Variants in TENM3 observed in about 807,000 individuals in gnomAD.
The protein encoded by TENM3 is teneurin-3.
A neutral mutation model predicts 255.1 loss-of-function variants in TENM3; 63 were observed. The observed-to-expected ratio is 0.25, with a 90% CI of 0.20 to 0.30. TENM3 has a LOEUF of 0.30. TENM3 is among the 10% of genes least tolerant of loss of function. The probability of loss-of-function intolerance (pLI) is 1.00; values close to 1 mark genes in which losing one functional copy is unlikely to be tolerated. For missense variants in TENM3, 2,929 were observed against 3,461.1 expected (o/e 0.85, Z 3.86); for synonymous variants, 1,306 against 1,322.3 (o/e 0.99, Z 0.27).
At chr4:182,388,458 A>G (rs1376581470) in intron 3 of TENM3, among the ~76,000 whole-genome samples, 1 of 152,216 alleles carries the variant, frequency 6.6e-6, no homozygotes, top group Non-Finnish European at 1.5e-5. Context: ...TAATTCTCCA[A>G]AACAGTCTTG....
the TENM3 span, among the ~76,000 whole-genome samples, chr4:182,034,905 A>G: frequency 6.6e-6 from 1 of 151,966 alleles, no homozygotes; most frequent in African/African-American, 2.4e-5. Flanking sequence ...GATTCTCTGG[A>G]TTTCCTGAGT....
rs1380918001 is a variant in TENM3 at position 182,755,142 on chromosome 4, A to G, written c.4775A>G (p.Asn1592Ser). Reference sequence around the variant, plus strand: ...GTGATATGGTTGACAATAGGAACAAATGGATGTTTGAAAAGCATGACTGCT... The same window carrying G: ...GTGATATGGTTGACAATAGGAACAAGTGGATGTTTGAAAAGCATGACTGCT... The part of the protein sequence containing the change: ...NQVIWLTIGT[N>S]GCLKSMTAQG... Residue 1592 changes from asparagine (N) to serine (S), a missense_variant, in exon 22 of 28, where the codon AAT (asparagine) becomes AGT (serine). By Grantham distance (46) the Asn-to-Ser change is conservative. Around this residue, in one of 6 missense-constraint regions of TENM3, gnomAD observed 1,608 missense variants for 1,884.4 expected, o/e 0.85. Coordinates refer to ENST00000511685, the MANE Select transcript of TENM3 (RefSeq NM_001080477.4). The G allele has an allele frequency of 3.1e-6, 5 of 1,613,986 alleles. No homozygotes were observed. Among genetic ancestry groups the G allele is most frequent in the Non-Finnish European group, 4.2e-6 (5 of 1,179,892 alleles).
chr4:181,794,461 C>T, the TENM3 span, among the ~76,000 whole-genome samples: 1 of 152,162 alleles, frequency 6.6e-6, no homozygotes, highest in Non-Finnish European at 1.5e-5. Flanking sequence ...CACATCCCAG[C>T]CCCTGGCAAC....
At chr4:181,569,213 C>T in the TENM3 span, among the ~76,000 whole-genome samples, 1 of 152,116 alleles carries the variant, frequency 6.6e-6, no homozygotes, top group Non-Finnish European at 1.5e-5. Flanking sequence ...CCCTGCTGCC[C>T]TGCTCTTTCT....
At chr4:182,186,800 T>C (rs1191333576) in intron 1 of TENM3, among the ~76,000 whole-genome samples, 1 of 88,444 alleles carries the variant, frequency 1.1e-5, no homozygotes, top group Non-Finnish European at 2.2e-5. Context: ...TATATATATA[T>C]ATATATATAT....
chr4:181,594,006 T>A, the TENM3 span, among the ~76,000 whole-genome samples: 1 of 106,814 alleles, frequency 9.4e-6, no homozygotes, highest in African/African-American at 3.1e-5. Flanking sequence ...TTTTTTTTTT[T>A]TATAATGAAA....
In TENM3 at chr4:182,379,648, T is replaced by C. The variant is rs79279383; in HGVS notation, c.511+32719T>C. ...ACTCTTTTTAATCTGAGGGTGTGGATGTACCATTAAGGAAGGGAGGCTGCA... is the reference window on the plus strand; with the variant it reads ...ACTCTTTTTAATCTGAGGGTGTGGACGTACCATTAAGGAAGGGAGGCTGCA... On this transcript the variant is annotated intron_variant, in intron 3 of 27. Coordinates refer to ENST00000511685, the MANE Select transcript of TENM3 (RefSeq NM_001080477.4). Among the ~76,000 whole-genome samples, 548 of 151,908 alleles carry C rather than the reference T, an allele frequency of 3.6e-3. 17 individuals carry two copies. In the East Asian group the frequency reaches 0.072, roughly 20 times the overall value.
the TENM3 span, among the ~76,000 whole-genome samples, chr4:181,806,892 T>C: frequency 1.3e-5 from 2 of 152,224 alleles, no homozygotes; most frequent in South Asian, 4.1e-4. Context: ...AACTGATTCA[T>C]TTTTGTGTAA....
intron 12 of TENM3, among the ~76,000 whole-genome samples, chr4:182,693,876 T>C (rs1301108267): frequency 1.3e-5 from 2 of 152,228 alleles, no homozygotes; most frequent in East Asian, 3.9e-4. Context: ...TTAATTTTGT[T>C]ATTAAGTGTA....
chr4:181,469,729 T>C, the TENM3 span, among the ~76,000 whole-genome samples: 1 of 152,222 alleles, frequency 6.6e-6, no homozygotes, highest in African/African-American at 2.4e-5. Context: ...TTCCCTGTTA[T>C]GTTAAAATAA....
chr4:182,594,476 G>C (rs772241381), intron 3 of TENM3, among the ~76,000 whole-genome samples: 1 of 152,100 alleles, frequency 6.6e-6, no homozygotes, highest in Non-Finnish European at 1.5e-5. Context: ...GGTGAGCTCT[G>C]ATCACACCAC....
chr4:181,598,576 T>C, the TENM3 span, among the ~76,000 whole-genome samples: 1 of 151,964 alleles, frequency 6.6e-6, no homozygotes, highest in Non-Finnish European at 1.5e-5. Context: ...TTGACAAAGG[T>C]AAACATCTGA....
intron 22 of TENM3, among the ~76,000 whole-genome samples, chr4:182,759,234 C>T (rs1323852371): frequency 1.3e-5 from 2 of 152,188 alleles, no homozygotes; most frequent in Non-Finnish European, 2.9e-5. Flanking sequence ...TTGTGGCTCC[C>T]ACCACTCCTG....
At chr4:182,307,802 C>G (rs1313087140) in intron 1 of TENM3, among the ~76,000 whole-genome samples, 5 of 152,190 alleles carry the variant, frequency 3.3e-5, no homozygotes, top group African/African-American at 1.2e-4. Flanking sequence ...TACTAGCTTA[C>G]CTTGAAAGTG....
At chr4:182,107,444 G>A in the TENM3 span, among the ~76,000 whole-genome samples, 1 of 152,172 alleles carries the variant, frequency 6.6e-6, no homozygotes, top group Admixed American at 6.5e-5. Context: ...TGGGCTGTTT[G>A]GTCAGTTCTC....
chr4:182,191,683 A>T (rs943361575), intron 1 of TENM3, among the ~76,000 whole-genome samples: 1 of 151,828 alleles, frequency 6.6e-6, no homozygotes, highest in Non-Finnish European at 1.5e-5. Context: ...ATCACCATGG[A>T]CTCCCAGCCT....
At chr4:181,619,581 T>C in the TENM3 span, among the ~76,000 whole-genome samples, 1 of 151,548 alleles carries the variant, frequency 6.6e-6, no homozygotes, top group African/African-American at 2.4e-5. Flanking sequence ...ACCACCATAT[T>C]TGGCCAATTT....
the TENM3 span, among the ~76,000 whole-genome samples, chr4:181,501,971 A>G: frequency 1.8e-3 from 275 of 152,292 alleles, no homozygotes; most frequent in African/African-American, 6.2e-3. Flanking sequence ...GGACACTCAC[A>G]AGCATTCGGA....
At chr4:182,012,990 TCAAAACAAAA>T in the TENM3 span, among the ~76,000 whole-genome samples, 3 of 151,888 alleles carry the variant, frequency 2.0e-5, no homozygotes, top group Admixed American at 6.6e-5. Flanking sequence ...CCTCAGCCTC[TCAAAACAAAA>T]CAAAACAAAA....
Sources: allele counts gnomAD v4.1 joint callset (sites outside exome capture counted in the v4.1 genomes callset), GRCh38; gene constraint gnomAD v4.1.1; regional missense constraint gnomAD v4.1.1; transcripts MANE v1.5; gene names NCBI Gene and HGNC (gene_info 2026-07-23, HGNC 2026-07-21).